The following JADE3 variants were observed in gnomAD, a reference collection of about 807,000 sequenced individuals.
The protein encoded by JADE3 is jade family PHD finger 3, also known as protein Jade-3.
Under a neutral mutation model 50.1 loss-of-function variants are expected in JADE3, and 2 were observed. The ratio of observed to expected loss-of-function variants is 0.04; its 90% CI spans 0.02 to 0.13. The LOEUF is 0.13. Ranked by LOEUF, JADE3 falls within the 10% of genes least tolerant of loss-of-function variation. The pLI is 1.00. For missense variants in JADE3, 475 were observed against 634.4 expected, an observed-to-expected ratio of 0.75 and a Z score of 2.70; for synonymous variants, 218 against 232.9, an observed-to-expected ratio of 0.94 and a Z score of 0.58.
chrX:46,917,862 T>TCTCTCTCTCTCTCTCTCTCATC (rs1926135047), intron 1 of JADE3, among the ~76,000 whole-genome samples: 2 of 71,605 alleles, frequency 2.8e-5, no homozygotes, highest in Non-Finnish European at 5.1e-5. Flanking sequence ...TCTCATCCTC[T>TCTCTCTCTCTCTCTCTCTCATC]CTCTCTCTCT....
intron 10 of JADE3, among the ~76,000 whole-genome samples, chrX:47,057,323 G>C (rs1602426894): frequency 1.8e-5 from 2 of 111,665 alleles, no homozygotes; most frequent in African/African-American, 3.3e-5. Flanking sequence ...GGTACAGTAA[G>C]ATGGTAATGG....
At chrX:46,991,071 T>TCCCCCCC (rs1174749618) in intron 3 of JADE3, among the ~76,000 whole-genome samples, 2 of 300 alleles carry the variant, frequency 6.7e-3, no homozygotes, top group African/African-American at 0.011. Flanking sequence ...ACTCCCTCCC[T>TCCCCCCC]CCCCCCCCCC....
intron 1 of JADE3, among the ~76,000 whole-genome samples, chrX:46,943,651 C>G (rs1926816057): frequency 9.0e-6 from 1 of 111,583 alleles, no homozygotes; most frequent in Admixed American, 9.5e-5. Context: ...CTACCTTCAT[C>G]AGGGATTTTG....
chrX:47,033,867 T>G, intron 7 of JADE3, 79 bp downstream of exon 7: 1 of 870,259 alleles, frequency 1.1e-6, no homozygotes, highest in Non-Finnish European at 1.6e-6. Context: ...TGACTCAGGC[T>G]CAGTATGGAA....
intron 4 of JADE3, among the ~76,000 whole-genome samples, chrX:47,006,504 TG>T (rs1928427571): frequency 9.5e-6 from 1 of 105,351 alleles, no homozygotes; most frequent in African/African-American, 3.5e-5. Context: ...TTCGCCATGT[TG>T]CCCAGGCTGG....
At chrX:46,980,596 CAA>C (rs1235415996) in intron 1 of JADE3, among the ~76,000 whole-genome samples, 2 of 111,217 alleles carry the variant, frequency 1.8e-5, no homozygotes, top group Non-Finnish European at 3.8e-5. Context: ...CTTCTGAGAG[CAA>C]AAGTCTTTAA....
chrX:46,986,582 G>C (rs1241052770), intron 3 of JADE3, among the ~76,000 whole-genome samples: 1 of 112,199 alleles, frequency 8.9e-6, no homozygotes, highest in Non-Finnish European at 1.9e-5. Flanking sequence ...TAAGTTAGCA[G>C]GTGAGGAGAG....
intron 6 of JADE3, 71 bp downstream of exon 6, chrX:47,028,174 G>C (rs1415656394): frequency 1.4e-6 from 1 of 710,321 alleles, no homozygotes; most frequent in Non-Finnish European, 2.2e-6. Flanking sequence ...TCTCCAGCAC[G>C]CATATCTGGG....
intron 8 of JADE3, among the ~76,000 whole-genome samples, chrX:47,050,443 A>C (rs1253617019): frequency 9.0e-6 from 1 of 111,540 alleles, no homozygotes; most frequent in African/African-American, 3.3e-5. Context: ...CCTTCTGTTA[A>C]CTGTCGTCAC....
intron 1 of JADE3, among the ~76,000 whole-genome samples, chrX:46,927,633 G>A (rs1273408143): frequency 8.9e-6 from 1 of 112,228 alleles, no homozygotes; most frequent in Admixed American, 9.4e-5. Context: ...TTGAGCTCAG[G>A]AGATCCACCT....
chrX:46,913,098 C>A (rs1926001791), intron 1 of JADE3, among the ~76,000 whole-genome samples: 1 of 112,298 alleles, frequency 8.9e-6, no homozygotes, highest in African/African-American at 3.2e-5. Context: ...CCTGGCGCCC[C>A]CTCCTCCGTT....
At chrX:46,961,198 A>G (rs997916815) in intron 1 of JADE3, among the ~76,000 whole-genome samples, 1 of 112,183 alleles carries the variant, frequency 8.9e-6, no homozygotes, top group Admixed American at 9.5e-5. Flanking sequence ...AAGTTCCTTC[A>G]TCAGATCTTT....
chrX:46,927,921 C>CA (rs1173281206), intron 1 of JADE3, among the ~76,000 whole-genome samples: 1 of 111,950 alleles, frequency 8.9e-6, no homozygotes, highest in African/African-American at 3.2e-5. Flanking sequence ...GAAGACTACC[C>CA]ATTCACTCAC....
At position 46,920,954 on chromosome X, in the gene JADE3, T is replaced by A. The variant is rs782695599; in HGVS notation, c.-12+8235T>A. 1.3e-4 allele frequency among the ~76,000 whole-genome samples: 15 copies of A among 112,168 alleles called. No individual in the cohort carries two copies. In the South Asian group the frequency reaches 3.3e-3, roughly 25 times the overall value. On this transcript the variant is annotated intron_variant, in intron 1 of 10. Transcript: ENST00000614628. ...ATGCTTAAGTTACTTTTTAAAAAAA[T>A]TTTTTTATAGAAACAGGGTCTCACT...
intron 4 of JADE3, among the ~76,000 whole-genome samples, chrX:47,006,071 C>T (rs782637585): frequency 9.0e-6 from 1 of 111,440 alleles, no homozygotes; most frequent in Non-Finnish European, 1.9e-5. Flanking sequence ...AGACAGATGC[C>T]GACATCAAGA....
At chrX:46,939,492 A>G (rs1174154368) in intron 1 of JADE3, among the ~76,000 whole-genome samples, 4 of 111,736 alleles carry the variant, frequency 3.6e-5, no homozygotes, top group African/African-American at 1.3e-4. Flanking sequence ...CTCTCTTTCA[A>G]TGATGTGGAA....
intron 1 of JADE3, among the ~76,000 whole-genome samples, chrX:46,962,964 A>G (rs1197990305): frequency 3.6e-5 from 4 of 109,750 alleles, no homozygotes; most frequent in Non-Finnish European, 7.6e-5. Flanking sequence ...TAAGCCTCCC[A>G]AGTAGCTGGG....
intron 1 of JADE3, among the ~76,000 whole-genome samples, chrX:46,948,958 G>A (rs1423373968): frequency 9.1e-6 from 1 of 109,791 alleles, no homozygotes; most frequent in Admixed American, 9.7e-5. Context: ...TTTTTTTTGA[G>A]ACAGGGTCTT....
chrX:47,039,707 C>T (rs1485401345), intron 8 of JADE3, among the ~76,000 whole-genome samples: 1 of 111,804 alleles, frequency 8.9e-6, no homozygotes, highest in Non-Finnish European at 1.9e-5. Flanking sequence ...TGGCCTCCAG[C>T]TGCACCCATG....
Sources: gnomAD v4.1 joint callset for allele counts (sites outside exome capture counted in the v4.1 genomes callset) on GRCh38, gnomAD v4.1.1 for gene constraint, MANE v1.5 for transcripts, NCBI Gene and HGNC (gene_info 2026-07-23, HGNC 2026-07-21) for gene names.